Variants in CD247 observed in about 807,000 individuals in gnomAD.
CD247 encodes the protein CD247 molecule.
Under a neutral mutation model 30.0 loss-of-function variants are expected in CD247, and 13 were observed. That is an observed-to-expected ratio of 0.43 (90% CI 0.28 to 0.69). The LOEUF (loss-of-function observed/expected upper bound fraction) is 0.69, where lower values mean the gene tolerates loss of function less well. Among genes scored for constraint, CD247 ranks in the 30% least tolerant of loss-of-function variants. CD247 has a pLI of 0.16. For missense variants in CD247, 193 were observed against 212.6 expected, an observed-to-expected ratio of 0.91 and a Z score of 0.57; for synonymous variants, 72 against 80.0, an observed-to-expected ratio of 0.90 and a Z score of 0.53.
Position 167,514,168 on chromosome 1 carries a change from G to T in CD247, c.58+4240C>A, listed in dbSNP as rs374269240. Among the ~76,000 whole-genome samples the T allele has an allele frequency of 8.6e-4, 131 of 151,920 alleles. 1 individual carries two copies. The highest frequency in any genetic ancestry group is 3.0e-3 in the African/African-American group (125 of 41,384). On this transcript the variant is annotated intron_variant, in intron 1 of 7. Transcript: ENST00000362089. Reference sequence around the variant, plus strand: ...ATTTATTTTTTTGAGATGGAATCTTGCTCTGTCGCCCAGGCTGGAGTGCAG... The same window carrying T: ...ATTTATTTTTTTGAGATGGAATCTTTCTCTGTCGCCCAGGCTGGAGTGCAG...
intron 1 of CD247, chr1:167,458,689 C>CTTTCTTTTT (rs1553231431): frequency 5.8e-4 from 55 of 95,384 alleles, no homozygotes; most frequent in African/African-American, 7.9e-4. Flanking sequence ...TTCTTTCTTT[C>CTTTCTTTTT]TTTTTTTTTT....
At chr1:167,510,352 C>T (rs1246551071) in intron 1 of CD247, among the ~76,000 whole-genome samples, 1 of 152,212 alleles carries the variant, frequency 6.6e-6, no homozygotes, top group Non-Finnish European at 1.5e-5. Context: ...CCAGCATATG[C>T]CCACAGGGGG....
chr1:167,505,790 C>T (rs547843042), intron 1 of CD247, among the ~76,000 whole-genome samples: 1 of 152,206 alleles, frequency 6.6e-6, no homozygotes, highest in Non-Finnish European at 1.5e-5. Context: ...CCTTTTTGTA[C>T]CCCCTGAAAC....
chr1:167,444,714 G>A (rs1651989585), intron 1 of CD247, among the ~76,000 whole-genome samples: 1 of 152,192 alleles, frequency 6.6e-6, no homozygotes, highest in Non-Finnish European at 1.5e-5. Flanking sequence ...ATGTGAGAGG[G>A]AAGCCCTGCC....
intron 1 of CD247, among the ~76,000 whole-genome samples, chr1:167,496,609 T>C (rs938692746): frequency 2.0e-5 from 3 of 152,140 alleles, no homozygotes; most frequent in Non-Finnish European, 4.4e-5. Flanking sequence ...AGACGATCTC[T>C]GGCTGGGCCA....
chr1:167,499,443 T>C (rs1377228861), intron 1 of CD247, among the ~76,000 whole-genome samples: 1 of 152,200 alleles, frequency 6.6e-6, no homozygotes, highest in African/African-American at 2.4e-5. Context: ...GGTTAAACTG[T>C]ATAGATTTAG....
intron 1 of CD247, among the ~76,000 whole-genome samples, chr1:167,487,271 G>A (rs1331889471): frequency 6.6e-6 from 1 of 151,890 alleles, no homozygotes; most frequent in African/African-American, 2.4e-5. Flanking sequence ...CAGCTACTTG[G>A]GAGGTTCAGG....
chr1:167,449,695 G>C (rs1015953956), intron 1 of CD247, among the ~76,000 whole-genome samples: 6 of 152,066 alleles, frequency 3.9e-5, no homozygotes, highest in African/African-American at 1.4e-4. Context: ...GGCCGAGGTG[G>C]GCAGATCGCC....
chr1:167,503,810 C>A (rs902030058), intron 1 of CD247, among the ~76,000 whole-genome samples: 1 of 151,970 alleles, frequency 6.6e-6, no homozygotes, highest in Non-Finnish European at 1.5e-5. Flanking sequence ...GGTAGGCTAC[C>A]GGTTAGGGTG....
At chr1:167,507,645 G>A (rs568947110) in intron 1 of CD247, among the ~76,000 whole-genome samples, 1 of 152,082 alleles carries the variant, frequency 6.6e-6, no homozygotes. Flanking sequence ...AGGCCAGCCA[G>A]GGCAACGTAG....
In CD247 at chr1:167,511,612, C is replaced by T. The variant is rs542026989; in HGVS notation, c.58+6796G>A. Among the ~76,000 whole-genome samples, 4 of 152,210 alleles carry T rather than the reference C, an allele frequency of 2.6e-5. No individual in the cohort carries two copies. In the East Asian group the frequency reaches 7.7e-4, roughly 29 times the overall value. ...AAAATGTATATTAAATGAGAATATT[C>T]AGCATCAAAATAATTATTTTTTACT... On this transcript the variant is annotated intron_variant, in intron 1 of 7. Coordinates refer to ENST00000362089, the MANE Select transcript of CD247 (RefSeq NM_198053.3).
At chr1:167,431,816 G>T in intron 7 of CD247, 70 bp from the exon 8 acceptor site, 1 of 1,284,772 alleles carries the variant, frequency 7.8e-7, no homozygotes, top group Non-Finnish European at 1.1e-6. Flanking sequence ...CAACCCAGAG[G>T]CCAACAGGTG....
At chr1:167,508,110 C>T (rs147561576) in intron 1 of CD247, among the ~76,000 whole-genome samples, 2 of 152,178 alleles carry the variant, frequency 1.3e-5, no homozygotes. Context: ...CCCACCAGCC[C>T]CTTTGGACTG....
chr1:167,473,825 G>A (rs1212512278), intron 1 of CD247, among the ~76,000 whole-genome samples: 1 of 152,176 alleles, frequency 6.6e-6, no homozygotes, highest in East Asian at 1.9e-4. Context: ...TTTGCTGGGG[G>A]GTTTTACTGG....
At chr1:167,483,655 C>G (rs1333736233) in intron 1 of CD247, among the ~76,000 whole-genome samples, 2 of 152,242 alleles carry the variant, frequency 1.3e-5, no homozygotes, top group African/African-American at 4.8e-5. Flanking sequence ...TGAGGTCACA[C>G]AGCTAGTTGG....
At chr1:167,515,216 A>G (rs1655551562) in intron 1 of CD247, among the ~76,000 whole-genome samples, 1 of 152,196 alleles carries the variant, frequency 6.6e-6, no homozygotes, top group Non-Finnish European at 1.5e-5. Flanking sequence ...CTTGCCTCAC[A>G]TTCACCTCCC....
intron 1 of CD247, among the ~76,000 whole-genome samples, chr1:167,471,231 A>AT (rs1653510351): frequency 6.6e-6 from 1 of 152,084 alleles, no homozygotes; most frequent in Non-Finnish European, 1.5e-5. Context: ...AGACAAATAT[A>AT]TTTTTCTGGA....
At chr1:167,485,587 G>C (rs1221376192) in intron 1 of CD247, among the ~76,000 whole-genome samples, 2 of 152,084 alleles carry the variant, frequency 1.3e-5, no homozygotes, top group African/African-American at 4.8e-5. Context: ...TGAGATTAGG[G>C]AGCTGCCTTA....
rs2462552 is a variant in CD247, at chr1:167,439,069, T to C, written c.219+275A>G. Among the ~76,000 whole-genome samples the C allele has an allele frequency of 0.36, 54,532 of 152,074 alleles. 10,467 individuals are homozygous for C. Among genetic ancestry groups the C allele is most frequent in the Middle Eastern group, 0.55 (160 of 292 alleles). ...CCCTCTAGCCTTTGCAAATTGCTGATGGCTTGGGGGCTCACTAGTGGCAGG... is the reference window on the plus strand; with the variant it reads ...CCCTCTAGCCTTTGCAAATTGCTGACGGCTTGGGGGCTCACTAGTGGCAGG... On this transcript the variant is annotated intron_variant, in intron 3 of 7. Coordinates refer to ENST00000362089, the MANE Select transcript of CD247 (RefSeq NM_198053.3).
Sources: allele counts gnomAD v4.1 joint callset (sites outside exome capture counted in the v4.1 genomes callset), GRCh38; gene constraint gnomAD v4.1.1; transcripts MANE v1.5; gene names NCBI Gene and HGNC (gene_info 2026-07-23, HGNC 2026-07-21).